Variants in HSD17B12 observed in about 807,000 individuals in gnomAD.
HSD17B12 encodes the protein hydroxysteroid 17-beta dehydrogenase 12.
HSD17B12 carries 32 observed loss-of-function variants against 39.3 expected under a neutral mutation model. That is an observed-to-expected ratio of 0.81 (90% CI 0.61 to 1.09). The LOEUF is 1.09. Among genes scored for constraint, HSD17B12 ranks in the 50% least tolerant of loss-of-function variants. HSD17B12 has a pLI of 0.00. For synonymous variants in HSD17B12, 150 were observed against 146.7 expected (o/e 1.02, Z -0.16); for missense variants, 342 against 382.9 (o/e 0.89, Z 0.89).
intron 9 of HSD17B12, among the ~76,000 whole-genome samples, chr11:43,843,939 C>G (rs888869474): frequency 4.6e-5 from 7 of 152,104 alleles, no homozygotes; most frequent in African/African-American, 1.7e-4. Context: ...AAACGGGAGA[C>G]CCACCTTTTC....
intron 1 of HSD17B12, among the ~76,000 whole-genome samples, chr11:43,727,913 G>A (rs1950235253): frequency 6.6e-6 from 1 of 152,024 alleles, no homozygotes; most frequent in Admixed American, 6.6e-5. Flanking sequence ...TAGGTTTGGT[G>A]CTTTTTTGTT....
intron 3 of HSD17B12, among the ~76,000 whole-genome samples, chr11:43,793,818 A>T (rs1256852410): frequency 6.6e-6 from 1 of 152,198 alleles, no homozygotes; most frequent in African/African-American, 2.4e-5. Context: ...CTTGCAGGTG[A>T]TGGAATGGCT....
intron 1 of HSD17B12, among the ~76,000 whole-genome samples, chr11:43,706,913 A>C (rs749873342): frequency 8.5e-5 from 13 of 152,116 alleles, no homozygotes; most frequent in Non-Finnish European, 1.9e-4. Flanking sequence ...TACAGGTTTT[A>C]ATTTTGAAAA....
At chr11:43,588,803 C>A in the HSD17B12 span, among the ~76,000 whole-genome samples, 3 of 151,636 alleles carry the variant, frequency 2.0e-5, no homozygotes, top group Admixed American at 6.6e-5. Flanking sequence ...CCAGGATTAC[C>A]CTCTGGGAGC....
intron 3 of HSD17B12, among the ~76,000 whole-genome samples, chr11:43,759,350 A>G (rs1441693414): frequency 6.6e-6 from 1 of 152,202 alleles, no homozygotes; most frequent in Non-Finnish European, 1.5e-5. Flanking sequence ...TTAGTAGGAC[A>G]CTAAATGTTT....
intron 1 of HSD17B12, among the ~76,000 whole-genome samples, chr11:43,685,964 C>T (rs888672862): frequency 1.3e-5 from 2 of 152,224 alleles, no homozygotes; most frequent in African/African-American, 4.8e-5. Context: ...GGATTTTCTT[C>T]AGATTTGCAA....
chr11:43,760,735 G>C (rs1197122951), intron 3 of HSD17B12, among the ~76,000 whole-genome samples: 1 of 152,032 alleles, frequency 6.6e-6, no homozygotes, highest in Admixed American at 6.6e-5. Flanking sequence ...AGCTTGTTTT[G>C]TTTTCATAAG....
chr11:43,621,535 C>T, the HSD17B12 span, among the ~76,000 whole-genome samples: 2 of 151,954 alleles, frequency 1.3e-5, no homozygotes, highest in East Asian at 1.9e-4. Context: ...GGCAACATGG[C>T]GAAACTCCCT....
At chr11:43,614,463 A>T in the HSD17B12 span, among the ~76,000 whole-genome samples, 1 of 152,104 alleles carries the variant, frequency 6.6e-6, no homozygotes, top group Non-Finnish European at 1.5e-5. Context: ...TCCGTTTCTC[A>T]GATTTTTCTA....
At chr11:43,749,139 A>G (rs897701478) in intron 1 of HSD17B12, among the ~76,000 whole-genome samples, 2 of 152,196 alleles carry the variant, frequency 1.3e-5, no homozygotes, top group Admixed American at 6.5e-5. Flanking sequence ...TCTATATCCA[A>G]CCACCATGGG....
chr11:43,709,434 A>G lies in HSD17B12; in HGVS notation c.160+28447A>G, dbSNP rs1264748775. ...AGCCACTGCACCTGGCCCATAAGCA[A>G]GACTATTATGCATAAGTCCTCCTCT... On this transcript the variant is annotated intron_variant, in intron 1 of 10. Coordinates refer to ENST00000278353, the MANE Select transcript of HSD17B12 (RefSeq NM_016142.3). Among the ~76,000 whole-genome samples, 5 of 152,360 alleles carry G rather than the reference A, an allele frequency of 3.3e-5. No homozygotes were observed. In the South Asian group the frequency reaches 6.2e-4, roughly 19 times the overall value.
chr11:43,578,970 A>T, the HSD17B12 span: 2 of 151,986 alleles, frequency 1.3e-5, no homozygotes, highest in East Asian at 3.9e-4. Context: ...TGACTGCAAA[A>T]AGTGAGTAAT....
chr11:43,591,333 A>T, the HSD17B12 span, among the ~76,000 whole-genome samples: 3 of 152,116 alleles, frequency 2.0e-5, no homozygotes, highest in South Asian at 6.2e-4. Flanking sequence ...AGGCTTGTAA[A>T]ACTCTCTAAA....
intron 1 of HSD17B12, among the ~76,000 whole-genome samples, chr11:43,739,285 C>T (rs1281363639): frequency 6.6e-6 from 1 of 152,082 alleles, no homozygotes; most frequent in Admixed American, 6.5e-5. Flanking sequence ...CTAAGTTAGT[C>T]TACAGGTCAA....
At chr11:43,781,512 A>T (rs898690032) in intron 3 of HSD17B12, among the ~76,000 whole-genome samples, 2 of 152,208 alleles carry the variant, frequency 1.3e-5, no homozygotes, top group African/African-American at 4.8e-5. Flanking sequence ...ATCAAAAAAG[A>T]TCTGCAAGAT....
chr11:43,802,233 G>A (rs1298827780), intron 4 of HSD17B12, among the ~76,000 whole-genome samples: 4 of 151,784 alleles, frequency 2.6e-5, no homozygotes, highest in African/African-American at 9.7e-5. Flanking sequence ...TGATCTGCCC[G>A]CCTCGGCCTC....
the HSD17B12 span, among the ~76,000 whole-genome samples, chr11:43,609,265 A>G: frequency 6.6e-6 from 1 of 151,232 alleles, no homozygotes; most frequent in Non-Finnish European, 1.5e-5. Context: ...TAGAACAGTG[A>G]AAAATCTTTA....
intron 4 of HSD17B12, among the ~76,000 whole-genome samples, chr11:43,800,208 T>G (rs1950953438): frequency 6.6e-6 from 1 of 152,232 alleles, no homozygotes. Flanking sequence ...GTATGGAAGC[T>G]GTCATGGTTC....
chr11:43,649,050 AT>A, the HSD17B12 span, among the ~76,000 whole-genome samples: 66 of 151,918 alleles, frequency 4.3e-4, no homozygotes, highest in African/African-American at 1.4e-3. Context: ...AGGAGAATTC[AT>A]TTTTGGTAGG....
Sources: gnomAD v4.1 joint callset for allele counts (sites outside exome capture counted in the v4.1 genomes callset) on GRCh38, gnomAD v4.1.1 for gene constraint, MANE v1.5 for transcripts, NCBI Gene and HGNC (gene_info 2026-07-23, HGNC 2026-07-21) for gene names.